DMXL1: variants seen among roughly 807,000 people sequenced by gnomAD.
DMXL1 encodes the protein dmX-like protein 1.
A neutral mutation model predicts 319.2 loss-of-function variants in DMXL1; 99 were observed. That is an observed-to-expected ratio of 0.31 (90% CI 0.26 to 0.37). The LOEUF is 0.37. DMXL1 is among the 10% of genes least tolerant of loss of function. The probability of loss-of-function intolerance (pLI) is 1.00; values close to 1 mark genes in which losing one functional copy is unlikely to be tolerated. For missense variants in DMXL1, 3,745 were observed against 3,595.6 expected, an observed-to-expected ratio of 1.04 and a Z score of -1.06; for synonymous variants, 1,385 against 1,235.2, an observed-to-expected ratio of 1.12 and a Z score of -2.54.
chr5:119,181,668 C>T (rs1324225500), intron 28 of DMXL1, among the ~76,000 whole-genome samples: 4 of 152,002 alleles, frequency 2.6e-5, no homozygotes, highest in African/African-American at 7.2e-5. Flanking sequence ...AAAAATTAGC[C>T]GGGTGTGGTG....
At chr5:119,130,590 A>T (rs1013556819) in intron 10 of DMXL1, among the ~76,000 whole-genome samples, 1 of 152,040 alleles carries the variant, frequency 6.6e-6, no homozygotes, top group African/African-American at 2.4e-5. Flanking sequence ...TGATCCATCC[A>T]CCTGGGCCTC....
At position 119,151,561 on chromosome 5, in the gene DMXL1, A is replaced by G. The variant is rs544855319; in HGVS notation, c.4595-368A>G. The stretch of plus-strand genomic sequence containing the variant: ...TAGAACTGTTTCTCCCAGTGTTAAC[A>G]GCAGATTATTGGGGTGGATGTATGA... On this transcript the variant is annotated intron_variant, in intron 18 of 43. Coordinates refer to ENST00000539542, the MANE Select transcript of DMXL1 (RefSeq NM_001290321.3). Among the ~76,000 whole-genome samples the G allele has an allele frequency of 2.6e-5, 4 of 152,290 alleles. No homozygotes were observed. The East Asian group carries it at 7.7e-4, about 29-fold the overall frequency.
chr5:119,233,174 A>G (rs1394210931), intron 38 of DMXL1, among the ~76,000 whole-genome samples, 166 bp from the exon 39 acceptor site: 3 of 152,300 alleles, frequency 2.0e-5, no homozygotes, highest in Admixed American at 6.5e-5. Context: ...GTATTGTATA[A>G]CTATTTTTAT....
intron 19 of DMXL1, 59 bp downstream of exon 19, chr5:119,152,095 G>A (rs975752464): frequency 7.5e-6 from 9 of 1,202,878 alleles, no homozygotes; most frequent in Non-Finnish European, 9.4e-6. Context: ...GAGAGACTTG[G>A]GAGTTTTTAA....
intron 19 of DMXL1, among the ~76,000 whole-genome samples, chr5:119,163,661 T>C (rs1772750921): frequency 6.6e-6 from 1 of 152,218 alleles, no homozygotes. Context: ...CAATCTCGGC[T>C]CACTGCAAGC....
At position 119,196,492 on chromosome 5, in the gene DMXL1, T is replaced by TGCTTTTG. The variant is rs1416645200; in HGVS notation, c.7543+37_7543+43dup. ...GCTCAACATGAGCTAATGGTGCCAT[T>TGCTTTTG]GCTTTTGACTTACTACTCTGTTGTT... is the stretch of plus-strand genomic sequence containing the variant. On this transcript the variant is annotated intron_variant, in intron 31 of 43. Transcript: ENST00000539542. 3.6e-6 allele frequency: 5 copies of TGCTTTTG among 1,406,258 alleles called. No homozygotes were observed. In the Admixed American group the frequency reaches 8.6e-5, roughly 24 times the overall value. The allele number at this position is 1,406,258 out of a possible 1,614,324, so 87.1% of individuals were successfully genotyped here.
intron 23 of DMXL1, among the ~76,000 whole-genome samples, 188 bp downstream of exon 23, chr5:119,168,052 A>AT (rs1254903658): frequency 6.6e-6 from 1 of 152,136 alleles, no homozygotes; most frequent in Non-Finnish European, 1.5e-5. Context: ...AGAACGTTGG[A>AT]TTTTCTGTTT....
intron 35 of DMXL1, among the ~76,000 whole-genome samples, chr5:119,220,009 T>A (rs1008564080): frequency 7.0e-5 from 3 of 42,894 alleles, no homozygotes; most frequent in African/African-American, 3.4e-4. Flanking sequence ...CTTTCCCACT[T>A]CTTTTTTTTT....
intron 23 of DMXL1, among the ~76,000 whole-genome samples, chr5:119,168,080 A>G (rs557536776): frequency 6.6e-6 from 1 of 152,360 alleles, no homozygotes; most frequent in East Asian, 1.9e-4. Flanking sequence ...ATAGATTTAC[A>G]TAAATATTGA....
At position 119,133,307 on chromosome 5, in the gene DMXL1, T is replaced by G; in HGVS notation, c.1491T>G (p.His497Gln). 1 of 1,614,140 alleles carries G rather than the reference T, an allele frequency of 6.2e-7. No individual in the cohort carries two copies. Among genetic ancestry groups the G allele is most frequent in the Non-Finnish European group, 8.5e-7 (1 of 1,180,014 alleles). ...SKNADMLFSI[H>Q]PMDGSLLVWH... is the part of the protein sequence containing the mutation. ...ATGCAGATATGCTATTTAGTATTCA[T>G]CCCATGGATGGTTCTTTGCTAGTTT... Residue 497 changes from histidine (H) to glutamine (Q), a missense_variant, in exon 11 of 44, where the codon CAT becomes CAG. Physicochemically the swap from His to Gln is conservative, Grantham distance 24. Around this residue, in one of 4 missense-constraint regions of DMXL1, gnomAD observed 2,096 missense variants for 1,985.4 expected, o/e 1.06. Transcript: ENST00000539542.
In DMXL1 at chr5:119,138,171, A is replaced by G. The variant is rs79439368; in HGVS notation, c.2376+3782A>G. 1.1e-4 allele frequency among the ~76,000 whole-genome samples: 17 copies of G among 152,356 alleles called. No individual in the cohort carries two copies. The East Asian group carries it at 3.1e-3, about 28-fold the overall frequency. ...TTAGAATATAGCAAGTGGTAATGGC[A>G]GAGATGATAAAAATGGCCAAATTCA... On this transcript the variant is annotated intron_variant, in intron 13 of 43. Transcript: ENST00000539542.
chr5:119,128,076 A>T, intron 9 of DMXL1: 1 of 459,500 alleles, frequency 2.2e-6, no homozygotes, highest in Non-Finnish European at 4.3e-6. Flanking sequence ...TCAGTAACCA[A>T]CAATTACTAT....
chr5:119,234,632 G>C (rs1251907192), intron 39 of DMXL1, among the ~76,000 whole-genome samples: 4 of 152,252 alleles, frequency 2.6e-5, no homozygotes, highest in Admixed American at 1.3e-4. Flanking sequence ...AGGGAACTTA[G>C]TACAGATGCC....
intron 34 of DMXL1, among the ~76,000 whole-genome samples, chr5:119,214,416 C>T (rs1227686960): frequency 1.3e-5 from 2 of 152,136 alleles, no homozygotes; most frequent in Non-Finnish European, 2.9e-5. Context: ...ATTCTCAAAC[C>T]CTTTATGTTT....
intron 2 of DMXL1, among the ~76,000 whole-genome samples, chr5:119,099,876 C>T (rs1756847802): frequency 6.6e-6 from 1 of 152,074 alleles, no homozygotes. Context: ...TAGTATGCTC[C>T]TGTAGTCCTA....
rs1789982514 is a variant in DMXL1, at chr5:119,247,391, T to A, written c.*172T>A. The A allele has an allele frequency of 1.9e-6, 1 of 540,020 alleles. No homozygotes were observed. Among genetic ancestry groups the A allele is most frequent in the Admixed American group, 3.2e-5 (1 of 31,554 alleles). The allele number at this position is 540,020 out of a possible 1,614,324, so 33.5% of individuals were successfully genotyped here. A position where few individuals can be genotyped will look rare whatever the true frequency, so the allele number is the denominator to read the frequency against. On this transcript the variant is annotated 3_prime_UTR_variant, in exon 44 of 44. Transcript: ENST00000539542. ...ATGCCTTAAAAATTAACAAGGTCAT[T>A]CAGAAGTAGATTACATTGCCTAAAG...
At chr5:119,148,605 C>T (rs1413919109) in intron 17 of DMXL1, 134 bp from the exon 18 acceptor site, 1 of 836,966 alleles carries the variant, frequency 1.2e-6, no homozygotes, top group African/African-American at 1.7e-5. Flanking sequence ...GTTTAAAAAA[C>T]ATACAGCCAA....
chr5:119,094,501 G>T (rs1397999758), intron 1 of DMXL1, among the ~76,000 whole-genome samples: 1 of 152,194 alleles, frequency 6.6e-6, no homozygotes, highest in African/African-American at 2.4e-5. Flanking sequence ...CTCTGATCAG[G>T]CAGGTGTACA....
chr5:119,079,893 C>G (rs1358618746), intron 1 of DMXL1, among the ~76,000 whole-genome samples: 2 of 152,178 alleles, frequency 1.3e-5, no homozygotes, highest in Non-Finnish European at 2.9e-5. Flanking sequence ...TCTTGTCTGT[C>G]CCTTAAATAT....
Sources: gnomAD v4.1 joint callset for allele counts (sites outside exome capture counted in the v4.1 genomes callset) on GRCh38, gnomAD v4.1.1 for gene constraint, gnomAD v4.1.1 regional missense constraint, MANE v1.5 for transcripts, NCBI Gene and HGNC (gene_info 2026-07-23, HGNC 2026-07-21) for gene names.